SIDT1: variants seen among roughly 807,000 people sequenced by gnomAD.
SIDT1 encodes the protein SID1 transmembrane family member 1, also known as SID1 transmembrane family, member 1.
SIDT1 carries 101 observed loss-of-function variants against 107.5 expected under a neutral mutation model. That is an observed-to-expected ratio of 0.94 (90% CI 0.80 to 1.11). The LOEUF (loss-of-function observed/expected upper bound fraction) is 1.11. Ranked by LOEUF, SIDT1 falls within the 50% of genes least tolerant of loss-of-function variation. The pLI is 0.00. For synonymous variants in SIDT1, 395 were observed against 398.2 expected, an observed-to-expected ratio of 0.99 and a Z score of 0.10; for missense variants, 1,076 against 1,058.2, an observed-to-expected ratio of 1.02 and a Z score of -0.23.
At chr3:113,578,517 C>A (rs1162965366) in intron 4 of SIDT1, among the ~76,000 whole-genome samples, 1 of 150,074 alleles carries the variant, frequency 6.7e-6, no homozygotes, top group Non-Finnish European at 1.5e-5. Flanking sequence ...ACTACAGGAA[C>A]TGTATAGTCT....
intron 1 of SIDT1, among the ~76,000 whole-genome samples, chr3:113,543,828 TTTA>T (rs2107612457): frequency 6.6e-6 from 1 of 152,350 alleles, no homozygotes; most frequent in South Asian, 2.1e-4. Flanking sequence ...TCCAATTTGC[TTTA>T]TTATTCATTC....
intron 7 of SIDT1, 136 bp downstream of exon 7, chr3:113,583,632 G>A (rs1028396039): frequency 3.8e-5 from 20 of 525,028 alleles, no homozygotes; most frequent in Admixed American, 9.2e-5. Flanking sequence ...GCATCTGAGA[G>A]ATACTTGAGA....
At chr3:113,587,637 G>A (rs928737571) in intron 9 of SIDT1, among the ~76,000 whole-genome samples, 1 of 152,166 alleles carries the variant, frequency 6.6e-6, no homozygotes, top group South Asian at 2.1e-4. Flanking sequence ...TTCATGGCAG[G>A]CGCTCTAAGT....
In SIDT1 at chr3:113,533,178, A is replaced by G; in HGVS notation, c.157A>G (p.Ser53Gly). 9 of 1,579,034 alleles carry G rather than the reference A, an allele frequency of 5.7e-6. No homozygotes were observed. The highest frequency in any genetic ancestry group is 7.7e-6 in the Non-Finnish European group (9 of 1,163,704). Residue 53 changes from serine to glycine, a missense_variant, in exon 1 of 25, where the codon AGC becomes GGC. Coordinates refer to ENST00000264852, the MANE Select transcript of SIDT1 (RefSeq NM_017699.3). ...ARGADFDHVY[S>G]GVVNLSTENI... is the part of the protein sequence containing the mutation. ...GGGCGCCGATTTCGATCATGTCTAC[A>G]GCGGGGTGGTGAACCTCAGCACCGA... is the stretch of plus-strand genomic sequence containing the variant.
rs1942021661 is a variant in SIDT1, at chr3:113,567,449, A to G, written c.345-91A>G. On this transcript the variant is annotated intron_variant, in intron 2 of 24. Coordinates refer to ENST00000264852, the MANE Select transcript of SIDT1 (RefSeq NM_017699.3). Reference sequence around the variant, plus strand: ...AGGACCTGAAAATGAATTTGGAGAGAAGCAAAATGAGATAGGCTCCTTTCC... The same window carrying G: ...AGGACCTGAAAATGAATTTGGAGAGGAGCAAAATGAGATAGGCTCCTTTCC... The G allele has an allele frequency of 3.7e-6, 4 of 1,080,880 alleles. No homozygotes were observed. In the South Asian group the frequency reaches 6.3e-5, roughly 17 times the overall value. The allele number at this position is 1,080,880 out of a possible 1,614,324, so 67.0% of individuals were successfully genotyped here.
In SIDT1 at chr3:113,604,962, A is replaced by G. The variant is rs1255594986; in HGVS notation, c.1390A>G (p.Ile464Val). 1.9e-6 allele frequency: 3 copies of G among 1,613,976 alleles called. No individual in the cohort carries two copies. The highest frequency in any genetic ancestry group is 2.5e-6 in the Non-Finnish European group (3 of 1,180,014). The change falls in exon 14 of 25, where the codon ATT (isoleucine) becomes GTT (valine). Residue 464 changes from isoleucine (I) to valine (V), a missense_variant. By Grantham distance (29) the Ile-to-Val change is conservative. Coordinates refer to ENST00000264852, the MANE Select transcript of SIDT1 (RefSeq NM_017699.3). ...CGCGCTGCCCGTGATCCAGCTGGTC[A>G]TTACCTATCAGACAGTAAGTGCTGC... Reference protein sequence around the residue: ...FYALPVIQLVITYQTVVNVTG... With the variant: ...FYALPVIQLVVTYQTVVNVTG...
intron 19 of SIDT1, among the ~76,000 whole-genome samples, chr3:113,614,519 G>A (rs1162034173): frequency 6.6e-6 from 1 of 152,152 alleles, no homozygotes; most frequent in African/African-American, 2.4e-5. Context: ...CCAAAGCCAG[G>A]AAGTTGGATT....
In SIDT1 at chr3:113,546,532, T is replaced by G. The variant is rs529487486; in HGVS notation, c.222+13289T>G. 2.1e-3 allele frequency among the ~76,000 whole-genome samples: 319 copies of G among 152,314 alleles called. 2 individuals carry two copies. The highest frequency in any genetic ancestry group is 7.3e-3 in the African/African-American group (304 of 41,574). ...CTGCTGAGTACCATGTCAATAAGAT[T>G]GCTATCATGTTGAGTTTGGCTTTTT... On this transcript the variant is annotated intron_variant, in intron 1 of 24. Coordinates refer to ENST00000264852, the MANE Select transcript of SIDT1 (RefSeq NM_017699.3).
chr3:113,604,365 C>T (rs1393275283), intron 13 of SIDT1, among the ~76,000 whole-genome samples: 2 of 152,136 alleles, frequency 1.3e-5, no homozygotes. Context: ...AAATAAGGGA[C>T]AATGGGGCCA....
intron 1 of SIDT1, among the ~76,000 whole-genome samples, chr3:113,550,847 AGAT>A (rs1427871031): frequency 2.0e-5 from 3 of 152,052 alleles, no homozygotes; most frequent in Non-Finnish European, 2.9e-5. Context: ...TTCATCACCC[AGAT>A]TATTTTATCA....
intron 2 of SIDT1, 37 bp from the exon 3 acceptor site, chr3:113,567,503 C>T: frequency 1.9e-6 from 3 of 1,550,662 alleles, no homozygotes; most frequent in South Asian, 1.2e-5. Context: ...CCTTTCTTGT[C>T]CTTGTTTATT....
intron 14 of SIDT1, among the ~76,000 whole-genome samples, chr3:113,605,942 T>C (rs1945297456): frequency 1.3e-5 from 2 of 151,510 alleles, no homozygotes; most frequent in Non-Finnish European, 2.9e-5. Context: ...GAGGTGTAGA[T>C]TGCAGTAAGC....
intron 1 of SIDT1, among the ~76,000 whole-genome samples, chr3:113,536,093 A>G (rs1938124410): frequency 6.6e-6 from 1 of 152,072 alleles, no homozygotes; most frequent in Middle Eastern, 3.2e-3. Flanking sequence ...CTGTTCCGAC[A>G]ATTTACCACC....
chr3:113,582,782 T>TA (rs754401562), intron 6 of SIDT1, among the ~76,000 whole-genome samples: 22 of 151,490 alleles, frequency 1.5e-4, no homozygotes, highest in African/African-American at 1.2e-4. Context: ...ATGCCTGAAA[T>TA]AAAAAAAATA....
At chr3:113,561,983 C>T (rs149591613) in intron 1 of SIDT1, among the ~76,000 whole-genome samples, 234 of 152,312 alleles carry the variant, frequency 1.5e-3, no homozygotes, top group Non-Finnish European at 2.6e-3. Context: ...GCTCTAAAAA[C>T]ACATGCTATA....
chr3:113,623,241 A>AT (rs1018399628), intron 21 of SIDT1, among the ~76,000 whole-genome samples, 186 bp from the exon 22 acceptor site: 5 of 143,642 alleles, frequency 3.5e-5, no homozygotes, highest in Non-Finnish European at 6.1e-5. Context: ...ATGTTAAAGT[A>AT]TTTTTTTAAA....
intron 1 of SIDT1, among the ~76,000 whole-genome samples, chr3:113,564,431 A>C (rs3896909): frequency 0.2 from 30,780 of 152,218 alleles, 3,707 homozygotes; most frequent in East Asian, 0.58. Flanking sequence ...CAACAGGGGA[A>C]TGAGGAATGA....
chr3:113,599,938 C>G (rs113821693), intron 10 of SIDT1, among the ~76,000 whole-genome samples: 2 of 152,244 alleles, frequency 1.3e-5, no homozygotes, highest in South Asian at 4.1e-4. Context: ...TGTTAATTTG[C>G]TTAGCTATAG....
At chr3:113,625,198 G>T (rs549178606) in intron 23 of SIDT1, among the ~76,000 whole-genome samples, 1 of 151,936 alleles carries the variant, frequency 6.6e-6, no homozygotes, top group Non-Finnish European at 1.5e-5. Context: ...GTGCAATGGC[G>T]CAATCTCGGC....
Sources: allele counts gnomAD v4.1 joint callset (sites outside exome capture counted in the v4.1 genomes callset), GRCh38; gene constraint gnomAD v4.1.1; transcripts MANE v1.5; gene names NCBI Gene and HGNC (gene_info 2026-07-23, HGNC 2026-07-21).